AP4S1: variants seen among roughly 807,000 people sequenced by gnomAD.
The protein encoded by AP4S1 is AP-4 complex subunit sigma-1.
Under a neutral mutation model 19.8 loss-of-function variants are expected in AP4S1, and 23 were observed. The observed-to-expected ratio is 1.16, with a 90% CI of 0.84 to 1.65. The LOEUF (loss-of-function observed/expected upper bound fraction) is 1.65, where lower values mean the gene tolerates loss of function less well. Among genes scored for constraint, AP4S1 ranks in the 40% most tolerant of loss-of-function variants. AP4S1 has a pLI of 0.00. For missense variants in AP4S1, 166 were observed against 172.8 expected (o/e 0.96, Z 0.22); for synonymous variants, 46 against 54.1 (o/e 0.85, Z 0.66).
intron 5 of AP4S1, among the ~76,000 whole-genome samples, chr14:31,082,614 T>C (rs992763994): frequency 1.3e-5 from 2 of 152,300 alleles, no homozygotes; most frequent in Non-Finnish European, 2.9e-5. Flanking sequence ...AGAAGAGCTT[T>C]GGCCGGGCGC....
chr14:31,084,753 A>G (rs1232880598), intron 5 of AP4S1: 1 of 1,613,988 alleles, frequency 6.2e-7, no homozygotes, highest in East Asian at 2.2e-5. Context: ...TTTATGAATT[A>G]AGGTGTTTTT....
chr14:31,074,516 A>G (rs1484190894), intron 4 of AP4S1, among the ~76,000 whole-genome samples: 1 of 151,940 alleles, frequency 6.6e-6, no homozygotes, highest in Non-Finnish European at 1.5e-5. Context: ...ACCTGTTTCT[A>G]CTAACCATAC....
At chr14:31,041,572 C>T (rs1885113368) in intron 1 of AP4S1, among the ~76,000 whole-genome samples, 1 of 152,216 alleles carries the variant, frequency 6.6e-6, no homozygotes, top group Non-Finnish European at 1.5e-5. Context: ...CATCATGGCT[C>T]ATTGCAGCAT....
Position 31,073,081 on chromosome 14 carries a change from G to C in AP4S1, c.294+108G>C, listed in dbSNP as rs188609780. 629 of 972,770 alleles carry C rather than the reference G, an allele frequency of 6.5e-4. 5 individuals carry two copies. Among genetic ancestry groups the C allele is most frequent in the Non-Finnish European group, 6.2e-5 (39 of 625,800 alleles). 60.3% of individuals were successfully genotyped at this position (972,770 alleles called of 1,614,324 possible). ...ATGTGTTAATACAGAGTTTTAATAA[G>C]TAAAAGTTAAAACTTAAGTGATGCC... is the stretch of plus-strand genomic sequence containing the variant. On this transcript the variant is annotated intron_variant, in intron 4 of 5. Transcript: ENST00000542754.
chr14:31,066,757 T>C (rs1383997582), intron 2 of AP4S1, among the ~76,000 whole-genome samples: 2 of 152,180 alleles, frequency 1.3e-5, no homozygotes, highest in South Asian at 4.1e-4. Context: ...AGACCCATTT[T>C]GTGCCAGAGG....
In AP4S1 at chr14:31,037,119, CT is replaced by C. The variant is rs1480110878; in HGVS notation, c.-72+11337del. 6.6e-5 allele frequency among the ~76,000 whole-genome samples: 10 copies of C among 151,998 alleles called. No individual in the cohort carries two copies. The East Asian group carries it at 1.2e-3, about 18-fold the overall frequency. ...CAGCCACCACGCCCGGCCAAGTCCT[CT>C]TTTTCTAACCTCCACTTCTGCCAGG... is the stretch of plus-strand genomic sequence containing the variant. On this transcript the variant is annotated intron_variant, in intron 1 of 5. Transcript: ENST00000542754.
chr14:31,035,287 C>T (rs1016423884), intron 1 of AP4S1, among the ~76,000 whole-genome samples: 15 of 149,864 alleles, frequency 1.0e-4, no homozygotes, highest in Admixed American at 6.0e-4. Context: ...CTCCGCCTCC[C>T]GGGTTCAAGC....
intron 1 of AP4S1, among the ~76,000 whole-genome samples, chr14:31,035,137 CT>C (rs569232554): frequency 7.0e-6 from 1 of 143,580 alleles, no homozygotes; most frequent in African/African-American, 2.6e-5. Flanking sequence ...GTTTTTGCTT[CT>C]TTTTTTTAGC....
At chr14:31,056,833 T>C (rs972914138) in intron 1 of AP4S1, among the ~76,000 whole-genome samples, 4 of 152,154 alleles carry the variant, frequency 2.6e-5, no homozygotes, top group African/African-American at 9.7e-5. Context: ...TCCTAGCACT[T>C]AGTGAAGCTG....
In AP4S1 at chr14:31,066,044, TG is replaced by T. The variant is rs1886697090; in HGVS notation, c.-71-81del. 6 of 666,808 alleles carry T rather than the reference TG, an allele frequency of 9.0e-6. No individual in the cohort carries two copies. The South Asian group carries it at 1.2e-4, about 13-fold the overall frequency. 41.3% of individuals were successfully genotyped at this position (666,808 alleles called of 1,614,324 possible). On this transcript the variant is annotated intron_variant, in intron 1 of 5. Transcript: ENST00000542754. The stretch of plus-strand genomic sequence containing the variant: ...TGATATTTACTACTACTTTATTTAC[TG>T]TTTATCTATAAAAACATTTAATATA...
intron 4 of AP4S1, among the ~76,000 whole-genome samples, chr14:31,073,443 TCC>T (rs1277837214): frequency 4.3e-5 from 6 of 139,430 alleles, no homozygotes; most frequent in South Asian, 2.4e-4. Context: ...TGAGCCGAGA[TCC>T]CGCCACTGCA....
At chr14:31,044,199 A>G (rs529687874) in intron 1 of AP4S1, among the ~76,000 whole-genome samples, 2 of 152,310 alleles carry the variant, frequency 1.3e-5, no homozygotes, top group East Asian at 3.9e-4. Flanking sequence ...TAATCCTACT[A>G]TCCGGAGTTA....
At chr14:31,066,883 G>A (rs1308188291) in intron 2 of AP4S1, among the ~76,000 whole-genome samples, 2 of 152,152 alleles carry the variant, frequency 1.3e-5, no homozygotes, top group Non-Finnish European at 2.9e-5. Flanking sequence ...TGATTATCTA[G>A]GTGGGGAAAA....
Position 31,094,731 on chromosome 14 carries a change from A to G in AP4S1, c.*1696A>G, listed in dbSNP as rs536426809. The G allele has an allele frequency of 6.6e-6, 1 of 152,472 alleles. No individual in the cohort carries two copies. Among genetic ancestry groups the G allele is most frequent in the East Asian group, 1.9e-4 (1 of 5,190 alleles). 9.4% of individuals were successfully genotyped at this position (152,472 alleles called of 1,614,324 possible). A position where few individuals can be genotyped will look rare whatever the true frequency, so the allele number is the denominator to read the frequency against. On this transcript the variant is annotated 3_prime_UTR_variant, in exon 6 of 6. Transcript: ENST00000542754. ...CAGCAAGACCATATCTCTACAAAAA[A>G]TAAATAGGTGTGATGGCTCATGCCT... is the stretch of plus-strand genomic sequence containing the variant.
intron 1 of AP4S1, among the ~76,000 whole-genome samples, chr14:31,060,039 G>GTA (rs1016460281): frequency 2.1e-5 from 3 of 144,890 alleles, no homozygotes; most frequent in East Asian, 2.0e-4. Context: ...ATGTATATAT[G>GTA]TATATATATT....
At chr14:31,064,706 CA>C (rs1404468234) in intron 1 of AP4S1, among the ~76,000 whole-genome samples, 2 of 152,082 alleles carry the variant, frequency 1.3e-5, no homozygotes, top group Non-Finnish European at 2.9e-5. Context: ...CCCGTAATCC[CA>C]ACACTTTGGG....
At chr14:31,061,028 T>C (rs1451277387) in intron 1 of AP4S1, among the ~76,000 whole-genome samples, 1 of 152,152 alleles carries the variant, frequency 6.6e-6, no homozygotes, top group Non-Finnish European at 1.5e-5. Context: ...TAGCTGGGAC[T>C]ACAGGTGCAT....
At chr14:31,026,106 T>A (rs1329645837) in intron 1 of AP4S1, 1 of 1,525,358 alleles carries the variant, frequency 6.6e-7, no homozygotes, top group Non-Finnish European at 8.8e-7. Context: ...AAGGCCCAGG[T>A]TCCCCCCAGG....
At chr14:31,091,708 G>C (rs990392755) in intron 5 of AP4S1, among the ~76,000 whole-genome samples, 1 of 152,024 alleles carries the variant, frequency 6.6e-6, no homozygotes, top group Non-Finnish European at 1.5e-5. Flanking sequence ...AGCAAATACA[G>C]TGTAGACTTT....
Sources: gnomAD v4.1 joint callset for allele counts (sites outside exome capture counted in the v4.1 genomes callset) on GRCh38, gnomAD v4.1.1 for gene constraint, MANE v1.5 for transcripts, NCBI Gene and HGNC (gene_info 2026-07-23, HGNC 2026-07-21) for gene names.